The following VOPP1 variants were observed in gnomAD, a reference collection of about 807,000 sequenced individuals.
VOPP1 encodes the protein WW domain binding protein VOPP1.
In VOPP1, 8 loss-of-function variants were observed where a neutral mutation model predicts 23.5. The ratio of observed to expected loss-of-function variants is 0.34; its 90% CI spans 0.20 to 0.61. The LOEUF is 0.61. VOPP1 is among the 20% of genes least tolerant of loss of function. The pLI is 0.78. For synonymous variants in VOPP1, 83 were observed against 97.3 expected, an observed-to-expected ratio of 0.85 and a Z score of 0.86; for missense variants, 174 against 238.1, an observed-to-expected ratio of 0.73 and a Z score of 1.77.
At chr7:55,493,825 G>C (rs1341099759) in intron 3 of VOPP1, among the ~76,000 whole-genome samples, 3 of 152,206 alleles carry the variant, frequency 2.0e-5, no homozygotes, top group African/African-American at 7.2e-5. Context: ...CTGTGTGTGT[G>C]ATTGGGTAAA....
chr7:55,522,933 T>G (rs78620226), intron 1 of VOPP1, among the ~76,000 whole-genome samples: 1,671 of 152,328 alleles, frequency 0.011, 11 homozygotes, highest in Middle Eastern at 0.02. Context: ...AGAAAGGACT[T>G]TTTCTTCCAA....
At chr7:55,537,024 A>G (rs913483507) in intron 1 of VOPP1, among the ~76,000 whole-genome samples, 2 of 152,158 alleles carry the variant, frequency 1.3e-5, no homozygotes, top group African/African-American at 4.8e-5. Context: ...GGCTGAGAGG[A>G]TTAAGGAAGG....
chr7:55,544,095 G>A (rs890320037), intron 1 of VOPP1, among the ~76,000 whole-genome samples: 6 of 152,198 alleles, frequency 3.9e-5, no homozygotes, highest in Admixed American at 1.3e-4. Context: ...TGTACATGGC[G>A]AGAGACAGAA....
intron 4 of VOPP1, among the ~76,000 whole-genome samples, chr7:55,461,999 T>C (rs1217058483): frequency 2.0e-5 from 3 of 152,228 alleles, no homozygotes; most frequent in South Asian, 2.1e-4. Context: ...GTAGAACATG[T>C]TAAGCATTTC....
chr7:55,464,985 T>C (rs577346836), intron 4 of VOPP1, among the ~76,000 whole-genome samples: 3 of 152,318 alleles, frequency 2.0e-5, no homozygotes, highest in Non-Finnish European at 2.9e-5. Context: ...GATCTCTTGC[T>C]TACCTTCTCT....
At chr7:55,499,688 G>C (rs951465406) in intron 2 of VOPP1, among the ~76,000 whole-genome samples, 2 of 152,222 alleles carry the variant, frequency 1.3e-5, no homozygotes, top group Admixed American at 6.5e-5. Flanking sequence ...CGTCTGAAAA[G>C]AGAGCACGCA....
chr7:55,514,358 G>A (rs144862873), intron 2 of VOPP1, among the ~76,000 whole-genome samples: 3 of 152,202 alleles, frequency 2.0e-5, no homozygotes, highest in Non-Finnish European at 4.4e-5. Flanking sequence ...CACAGGAAAC[G>A]GGGGCCCAGA....
At chr7:55,539,260 G>A (rs1443684017) in intron 1 of VOPP1, among the ~76,000 whole-genome samples, 2 of 152,092 alleles carry the variant, frequency 1.3e-5, no homozygotes, top group African/African-American at 4.8e-5. Flanking sequence ...CAGGAGAATC[G>A]CTTGGACCCG....
At chr7:55,463,505 G>A (rs117669916) in intron 4 of VOPP1, among the ~76,000 whole-genome samples, 1,827 of 152,298 alleles carry the variant, frequency 0.012, 13 homozygotes, top group Admixed American at 0.021. Context: ...TTGGGTGGGG[G>A]CAGTAGTTTA....
intron 1 of VOPP1, among the ~76,000 whole-genome samples, chr7:55,544,361 T>C (rs1524992): frequency 0.96 from 146,700 of 152,326 alleles, 70,746 homozygotes; most frequent in East Asian, 1. Context: ...GCATGGTTTT[T>C]ATGGTTTGGG....
chr7:55,531,503 C>T (rs1047110623), intron 1 of VOPP1, among the ~76,000 whole-genome samples: 2 of 152,168 alleles, frequency 1.3e-5, no homozygotes, highest in African/African-American at 4.8e-5. Context: ...GCACGCGCCA[C>T]CACACCCAAC....
intron 1 of VOPP1, among the ~76,000 whole-genome samples, chr7:55,558,576 C>T (rs1797884619): frequency 6.6e-6 from 1 of 152,088 alleles, no homozygotes; most frequent in Admixed American, 6.5e-5. Context: ...CCTGCTAATG[C>T]CAATTCCAAT....
intron 2 of VOPP1, among the ~76,000 whole-genome samples, chr7:55,509,788 C>T (rs1038538863): frequency 1.3e-5 from 2 of 152,168 alleles, no homozygotes; most frequent in South Asian, 2.1e-4. Flanking sequence ...GAATCTTTCC[C>T]GGAACCTATT....
At chr7:55,538,519 G>A in intron 1 of VOPP1, 1 of 1,201,060 alleles carries the variant, frequency 8.3e-7, no homozygotes, top group Non-Finnish European at 1.2e-6. Flanking sequence ...CAACCCTATG[G>A]TCCAAAGACT....
intron 4 of VOPP1, among the ~76,000 whole-genome samples, chr7:55,436,645 C>T (rs377669907): frequency 6.0e-5 from 9 of 148,992 alleles, no homozygotes; most frequent in Admixed American, 4.0e-4. Context: ...TGTGTGCGTG[C>T]GTGGGTGTGT....
intron 1 of VOPP1, chr7:55,552,829 C>T (rs759425114): frequency 2.4e-5 from 34 of 1,440,416 alleles, no homozygotes; most frequent in Non-Finnish European, 2.9e-5. Context: ...CCATGCTCAA[C>T]CCAGAAAGGT....
At chr7:55,441,366 C>G (rs1790961205) in intron 4 of VOPP1, among the ~76,000 whole-genome samples, 1 of 152,224 alleles carries the variant, frequency 6.6e-6, no homozygotes, top group Non-Finnish European at 1.5e-5. Flanking sequence ...ACATCATCTG[C>G]TGATGCCTGA....
chr7:55,454,861 C>T (rs1248131671), intron 4 of VOPP1, among the ~76,000 whole-genome samples: 1 of 152,202 alleles, frequency 6.6e-6, no homozygotes, highest in African/African-American at 2.4e-5. Flanking sequence ...TGGGCAAAAG[C>T]TGGAAGCATT....
At chr7:55,475,842 G>A (rs1218216588) in intron 4 of VOPP1, among the ~76,000 whole-genome samples, 2 of 152,272 alleles carry the variant, frequency 1.3e-5, no homozygotes, top group Non-Finnish European at 2.9e-5. Flanking sequence ...GCCAGCCTGT[G>A]CCGTGTGTGC....
Sources: allele counts gnomAD v4.1 joint callset (sites outside exome capture counted in the v4.1 genomes callset), GRCh38; gene constraint gnomAD v4.1.1; transcripts MANE v1.5; gene names NCBI Gene and HGNC (gene_info 2026-07-23, HGNC 2026-07-21).